The following TFDP2 variants were observed in gnomAD, a reference collection of about 807,000 sequenced individuals.
TFDP2 encodes the protein transcription factor Dp-2 (E2F dimerization partner 2).
Under a neutral mutation model 59.3 loss-of-function variants are expected in TFDP2, and 17 were observed. The ratio of observed to expected loss-of-function variants is 0.29; its 90% CI spans 0.20 to 0.43. The LOEUF is 0.43. Among genes scored for constraint, TFDP2 ranks in the 20% least tolerant of loss-of-function variants. The pLI, the probability that TFDP2 is intolerant of heterozygous loss-of-function variation, is 1.00. For missense variants in TFDP2, 391 were observed against 528.8 expected (o/e 0.74, Z 2.56); for synonymous variants, 180 against 194.7 (o/e 0.92, Z 0.63).
At chr3:142,063,292 CA>C (rs2059977562) in intron 3 of TFDP2, among the ~76,000 whole-genome samples, 1 of 152,082 alleles carries the variant, frequency 6.6e-6, no homozygotes, top group African/African-American at 2.4e-5. Flanking sequence ...ACCTAAAATA[CA>C]ATTTCACTTA....
At chr3:141,987,702 T>C (rs1942264999) in intron 6 of TFDP2, among the ~76,000 whole-genome samples, 1 of 145,676 alleles carries the variant, frequency 6.9e-6, no homozygotes, top group Non-Finnish European at 1.5e-5. Context: ...CCGAGGTGGG[T>C]GGATCACTTG....
intron 3 of TFDP2, among the ~76,000 whole-genome samples, chr3:142,034,311 C>A (rs1946576594): frequency 6.6e-6 from 1 of 151,896 alleles, no homozygotes; most frequent in African/African-American, 2.4e-5. Flanking sequence ...GTTGGTCAGG[C>A]TGGTCTAAAA....
At chr3:142,081,869 G>A (rs1255377459) in intron 3 of TFDP2, among the ~76,000 whole-genome samples, 1 of 152,126 alleles carries the variant, frequency 6.6e-6, no homozygotes, top group Non-Finnish European at 1.5e-5. Context: ...CCCAGCACCT[G>A]ACAACTTCAC....
At chr3:142,029,420 C>G (rs1427862338) in intron 3 of TFDP2, among the ~76,000 whole-genome samples, 1 of 151,012 alleles carries the variant, frequency 6.6e-6, no homozygotes, top group Non-Finnish European at 1.5e-5. Context: ...GGGTTAAGTA[C>G]CTTTCTCCAT....
intron 9 of TFDP2, 81 bp downstream of exon 9, chr3:141,969,992 C>T: frequency 7.2e-7 from 1 of 1,395,242 alleles, no homozygotes; most frequent in Non-Finnish European, 1.0e-6. Flanking sequence ...TCAGAGGCAC[C>T]ACAATTAGAA....
chr3:142,118,435 G>C (rs1342618917), intron 1 of TFDP2, among the ~76,000 whole-genome samples: 1 of 152,014 alleles, frequency 6.6e-6, no homozygotes, highest in Non-Finnish European at 1.5e-5. Context: ...CCTCTGAACT[G>C]GATTAAATAT....
At chr3:141,979,756 T>C (rs1263540822) in intron 6 of TFDP2, among the ~76,000 whole-genome samples, 2 of 152,108 alleles carry the variant, frequency 1.3e-5, no homozygotes, top group African/African-American at 4.8e-5. Context: ...ACCTGGCTAA[T>C]TTTTGTACTT....
intron 7 of TFDP2, among the ~76,000 whole-genome samples, chr3:141,976,785 T>C (rs553534060): frequency 6.6e-6 from 1 of 151,986 alleles, no homozygotes; most frequent in South Asian, 2.1e-4. Flanking sequence ...CTATAGACTT[T>C]TTTTTTCAAG....
chr3:141,952,523 G>A lies in TFDP2; in HGVS notation c.1331C>T (p.Ser444Phe). 6.5e-7 allele frequency: 1 copy of A among 1,540,368 alleles called. No individual in the cohort carries two copies. Among genetic ancestry groups the A allele is most frequent in the Non-Finnish European group, 8.7e-7 (1 of 1,152,244 alleles). Reference sequence around the variant, plus strand: ...GGCTTTCTCTTGTCTTTATTCTGGGGAGGAGGAATCCTCCTCATCATCTTC... The same window carrying A: ...GGCTTTCTCTTGTCTTTATTCTGGGAAGGAGGAATCCTCCTCATCATCTTC... ...DEEDDEEDSS[S>F]PE The change falls in exon 13 of 13, where the codon TCC becomes TTC. Residue 444 changes from serine to phenylalanine, a missense_variant. Around this residue, in one of 3 missense-constraint regions of TFDP2, gnomAD observed 223 missense variants for 292.5 expected, o/e 0.76. Coordinates refer to ENST00000489671, the MANE Select transcript of TFDP2 (RefSeq NM_001178139.2).
At chr3:142,062,087 A>G (rs1415197649) in intron 3 of TFDP2, among the ~76,000 whole-genome samples, 2 of 152,030 alleles carry the variant, frequency 1.3e-5, no homozygotes, top group African/African-American at 4.8e-5. Context: ...CATGACAAGG[A>G]TGAAGACCTT....
At chr3:142,057,871 C>T (rs759624097) in intron 3 of TFDP2, among the ~76,000 whole-genome samples, 67 of 152,194 alleles carry the variant, frequency 4.4e-4, no homozygotes, top group Admixed American at 8.5e-4. Flanking sequence ...TCCATACCAT[C>T]ACAGAGTTTC....
chr3:142,097,399 TA>T (rs1412095518), intron 2 of TFDP2, among the ~76,000 whole-genome samples: 7 of 152,080 alleles, frequency 4.6e-5, no homozygotes. Context: ...TAACATAAAA[TA>T]GCCACTTAGG....
At chr3:141,981,107 A>G (rs559784754) in intron 6 of TFDP2, among the ~76,000 whole-genome samples, 42 of 152,240 alleles carry the variant, frequency 2.8e-4, no homozygotes, top group African/African-American at 9.6e-4. Flanking sequence ...CCATTCATGA[A>G]AAGTGCACTA....
At chr3:142,083,504 C>T (rs932190373) in intron 3 of TFDP2, among the ~76,000 whole-genome samples, 1 of 152,080 alleles carries the variant, frequency 6.6e-6, no homozygotes, top group African/African-American at 2.4e-5. Flanking sequence ...AAAAAACAAT[C>T]CTAAAATTTA....
In TFDP2 at chr3:141,958,947, CTTTT is replaced by C. The variant is rs984082447; in HGVS notation, c.1051+723_1051+726del. 7.7e-5 allele frequency among the ~76,000 whole-genome samples: 8 copies of C among 103,684 alleles called. No individual in the cohort carries two copies. In the South Asian group the frequency reaches 1.4e-3, roughly 18 times the overall value. 68.0% of individuals were successfully genotyped at this position (103,684 alleles called of 152,430 possible). On this transcript the variant is annotated intron_variant, in intron 11 of 12. Transcript: ENST00000489671. ...ATTAGAGGGAAGTAGGATGTACCTA[CTTTT>C]TTTTTTTTTTTTTTTTTTTTGAGAC...
At chr3:142,090,753 G>T (rs1458185101) in intron 3 of TFDP2, 1 of 152,032 alleles carries the variant, frequency 6.6e-6, no homozygotes, top group Non-Finnish European at 1.5e-5. Context: ...TAGAGACAGG[G>T]TTTCACCATG....
chr3:141,984,102 ATACATAT>A (rs1230192458), intron 6 of TFDP2, among the ~76,000 whole-genome samples: 1 of 152,242 alleles, frequency 6.6e-6, no homozygotes, highest in African/African-American at 2.4e-5. Flanking sequence ...AATGTGGTAT[ATACATAT>A]AATGAAATAC....
intron 3 of TFDP2, among the ~76,000 whole-genome samples, chr3:142,029,766 C>G (rs1946332857): frequency 1.3e-5 from 2 of 152,168 alleles, no homozygotes; most frequent in Non-Finnish European, 2.9e-5. Flanking sequence ...AAAACAAACA[C>G]TCCAATCAAC....
chr3:142,137,330 G>C (rs1399586167), intron 1 of TFDP2, among the ~76,000 whole-genome samples: 1 of 152,182 alleles, frequency 6.6e-6, no homozygotes, highest in Non-Finnish European at 1.5e-5. Context: ...TCTGCAAACA[G>C]GGACAATTTG....
Sources: gnomAD v4.1 joint callset for allele counts (sites outside exome capture counted in the v4.1 genomes callset) on GRCh38, gnomAD v4.1.1 for gene constraint, gnomAD v4.1.1 regional missense constraint, MANE v1.5 for transcripts, NCBI Gene and HGNC (gene_info 2026-07-23, HGNC 2026-07-21) for gene names.